The following TNRC6A variants were observed in gnomAD, a reference collection of about 807,000 sequenced individuals.
TNRC6A encodes the protein trinucleotide repeat-containing gene 6A protein.
In TNRC6A, 44 loss-of-function variants were observed where a neutral mutation model predicts 221.2. That is an observed-to-expected ratio of 0.20 (90% confidence interval 0.16 to 0.26). The LOEUF (loss-of-function observed/expected upper bound fraction) is 0.26, where lower values mean the gene tolerates loss of function less well. Among genes scored for constraint, TNRC6A ranks in the 10% least tolerant of loss-of-function variants. The pLI is 1.00. For synonymous variants in TNRC6A, 847 were observed against 838.5 expected (o/e 1.01, Z -0.18); for missense variants, 2,199 against 2,404.4 (o/e 0.91, Z 1.79).
intron 2 of TNRC6A, chr16:24,663,878 T>C (rs2141936739): frequency 2.2e-6 from 1 of 455,926 alleles, no homozygotes; most frequent in Non-Finnish European, 4.4e-6. Flanking sequence ...GCCCCAGATA[T>C]ACAGAAGCCC....
At chr16:24,715,601 GTTTCTTTTTTTTTTTTT>G (rs1379149524) in intron 2 of TNRC6A, among the ~76,000 whole-genome samples, 2 of 124,124 alleles carry the variant, frequency 1.6e-5, no homozygotes, top group African/African-American at 6.8e-5. Context: ...TTCTTGAGTA[GTTTCTTTTTTTTTTTTT>G]TTTCTTTTTT....
In TNRC6A at chr16:24,810,594, C is replaced by T. The variant is rs2058522444; in HGVS notation, c.4672+1113C>T. ...GAGAAGAGTAAGTTTACCACACAAA[C>T]AGGAAGAGCAACCAAGAAAGAATAG... On this transcript the variant is annotated intron_variant, in intron 18 of 24. Coordinates refer to ENST00000395799, the MANE Select transcript of TNRC6A (RefSeq NM_014494.4). Among the ~76,000 whole-genome samples the T allele has an allele frequency of 2.6e-5, 4 of 152,050 alleles. No individual in the cohort carries two copies. In the South Asian group the frequency reaches 8.3e-4, roughly 32 times the overall value.
At chr16:24,755,798 A>AT (rs993855179) in intron 3 of TNRC6A, among the ~76,000 whole-genome samples, 51 of 150,774 alleles carry the variant, frequency 3.4e-4, no homozygotes, top group Middle Eastern at 6.8e-3. Flanking sequence ...CATAGCTCAG[A>AT]TTTTTTTTTT....
intron 2 of TNRC6A, among the ~76,000 whole-genome samples, chr16:24,643,110 A>ATATATATATGTT (rs1406737326): frequency 1.8e-5 from 1 of 56,782 alleles, no homozygotes; most frequent in South Asian, 7.9e-4. Context: ...ATATATATAA[A>ATATATATATGTT]ATATATATAT....
chr16:24,637,313 G>A (rs994119427), intron 1 of TNRC6A, among the ~76,000 whole-genome samples: 6 of 152,096 alleles, frequency 3.9e-5, no homozygotes, highest in Non-Finnish European at 7.3e-5. Flanking sequence ...GATTACAAGC[G>A]TGAGCCATCG....
intron 2 of TNRC6A, among the ~76,000 whole-genome samples, chr16:24,704,662 C>A (rs1327825103): frequency 3.3e-5 from 1 of 30,042 alleles, no homozygotes; most frequent in East Asian, 6.2e-4. Context: ...AAGACTCCGT[C>A]TCAAAAAAAA....
At chr16:24,726,402 C>T (rs1201252810), upstream of TNRC6A, among the ~76,000 whole-genome samples, 1 of 149,698 alleles carries the variant, frequency 6.7e-6, no homozygotes, top group African/African-American at 2.5e-5. Flanking sequence ...AAAAGAACTC[C>T]AGAAGAATAT....
intron 1 of TNRC6A, among the ~76,000 whole-genome samples, chr16:24,618,529 A>G (rs1248871287): frequency 6.6e-6 from 1 of 151,914 alleles, no homozygotes; most frequent in Non-Finnish European, 1.5e-5. Context: ...CAGCAGTGTG[A>G]TTATATCACC....
Position 24,790,497 on chromosome 16 carries a change from A to G in TNRC6A, c.1855A>G (p.Lys619Glu). ...GTNLPSVEWN[K>E]LPSNQHSNDS... ...TAATTTACCCAGCGTTGAGTGGAACAAACTGCCTAGCAATCAGCATTCCAA... is the reference window on the plus strand; with the variant it reads ...TAATTTACCCAGCGTTGAGTGGAACGAACTGCCTAGCAATCAGCATTCCAA... The change falls in exon 6 of 25, where the codon AAA becomes GAA. Residue 619 changes from lysine (K) to glutamate (E), a missense_variant. Coordinates refer to ENST00000395799, the MANE Select transcript of TNRC6A (RefSeq NM_014494.4). 6.2e-7 allele frequency: 1 copy of G among 1,614,256 alleles called. No individual in the cohort carries two copies. The highest frequency in any genetic ancestry group is 8.5e-7 in the Non-Finnish European group (1 of 1,180,048).
At chr16:24,751,629 A>G (rs887992434) in intron 3 of TNRC6A, among the ~76,000 whole-genome samples, 1 of 152,242 alleles carries the variant, frequency 6.6e-6, no homozygotes, top group African/African-American at 2.4e-5. Context: ...AAAATGCTCT[A>G]AAAACCTAGT....
intron 2 of TNRC6A, among the ~76,000 whole-genome samples, chr16:24,683,436 G>A (rs929288023): frequency 1.3e-5 from 2 of 152,052 alleles, no homozygotes; most frequent in Admixed American, 6.6e-5. Flanking sequence ...GTGCTCAAGC[G>A]ATCCTCCCAC....
At position 24,729,673 on chromosome 16, in the gene TNRC6A, C is replaced by A; in HGVS notation, c.-169C>A. 5 of 677,662 alleles carry A rather than the reference C, an allele frequency of 7.4e-6. No homozygotes were observed. Among genetic ancestry groups the A allele is most frequent in the Non-Finnish European group, 1.0e-5 (5 of 490,090 alleles). 42.0% of individuals were successfully genotyped at this position (677,662 alleles called of 1,614,324 possible). A position where few individuals can be genotyped will look rare whatever the true frequency, so the allele number is the denominator to read the frequency against. ...TTCACTTCCGGTCTGGGGCCTGCGGCGGCGGCGGTGTCGGCGGCGGCGGCG... is the reference window on the plus strand; with the variant it reads ...TTCACTTCCGGTCTGGGGCCTGCGGAGGCGGCGGTGTCGGCGGCGGCGGCG... On this transcript the variant is annotated 5_prime_UTR_variant, in exon 1 of 25. Transcript: ENST00000395799.
chr16:24,673,240 G>C (rs1045378105), intron 2 of TNRC6A, among the ~76,000 whole-genome samples: 7 of 152,158 alleles, frequency 4.6e-5, no homozygotes, highest in African/African-American at 1.7e-4. Context: ...CAACTTTTCT[G>C]TGTGTGTACA....
At chr16:24,810,721 A>G (rs978436161) in intron 18 of TNRC6A, among the ~76,000 whole-genome samples, 7 of 152,202 alleles carry the variant, frequency 4.6e-5, no homozygotes, top group African/African-American at 1.4e-4. Flanking sequence ...AAGATGGAAT[A>G]GTAGGTGTGG....
At chr16:24,652,509 A>G (rs1163875050) in intron 2 of TNRC6A, among the ~76,000 whole-genome samples, 2 of 151,550 alleles carry the variant, frequency 1.3e-5, no homozygotes, top group African/African-American at 2.4e-5. Flanking sequence ...TTACATTAAA[A>G]CCTCCAGACC....
At chr16:24,786,277 T>A (rs932441194) in intron 5 of TNRC6A, among the ~76,000 whole-genome samples, 14 of 143,674 alleles carry the variant, frequency 9.7e-5, no homozygotes, top group Non-Finnish European at 2.0e-4. Flanking sequence ...TCAGATATAG[T>A]TCAGAGTCCT....
chr16:24,750,180 A>G (rs2057105264), intron 2 of TNRC6A, among the ~76,000 whole-genome samples: 1 of 152,226 alleles, frequency 6.6e-6, no homozygotes. Context: ...AAGAATTGAT[A>G]GAATACCTTG....
chr16:24,678,137 C>G (rs1596656916), intron 2 of TNRC6A, among the ~76,000 whole-genome samples: 2 of 151,978 alleles, frequency 1.3e-5, no homozygotes, highest in East Asian at 3.9e-4. Context: ...TGGCAAAACC[C>G]CATCTCTACT....
intron 2 of TNRC6A, among the ~76,000 whole-genome samples, chr16:24,731,010 A>T (rs1011568012): frequency 6.7e-6 from 1 of 148,588 alleles, no homozygotes; most frequent in East Asian, 2.0e-4. Context: ...GTCTTTATGG[A>T]ATGGAAATAT....
Sources: gnomAD v4.1 joint callset for allele counts (sites outside exome capture counted in the v4.1 genomes callset) on GRCh38, gnomAD v4.1.1 for gene constraint, MANE v1.5 for transcripts, NCBI Gene and HGNC (gene_info 2026-07-23, HGNC 2026-07-21) for gene names.